Variants in POLRMT observed in about 807,000 individuals in gnomAD.
POLRMT encodes the protein DNA-directed RNA polymerase, mitochondrial.
A neutral mutation model predicts 132.2 loss-of-function variants in POLRMT; 114 were observed. The ratio of observed to expected loss-of-function variants is 0.86; its 90% CI spans 0.74 to 1.01. The LOEUF (loss-of-function observed/expected upper bound fraction) is 1.01. Among genes scored for constraint, POLRMT ranks in the 50% least tolerant of loss-of-function variants. The pLI is 0.00. For synonymous variants in POLRMT, 1,020 were observed against 773.4 expected (o/e 1.32, Z -5.29); for missense variants, 2,003 against 1,729.1 (o/e 1.16, Z -2.81).
chr19:631,547 G>A (rs985692208), intron 2 of POLRMT, among the ~76,000 whole-genome samples: 1 of 151,928 alleles, frequency 6.6e-6, no homozygotes, highest in African/African-American at 2.4e-5. Flanking sequence ...GTTGAGGCAG[G>A]AGAATTGCTT....
intron 3 of POLRMT, among the ~76,000 whole-genome samples, chr19:628,559 T>TC (rs1484400369): frequency 7.2e-5 from 11 of 152,204 alleles, no homozygotes; most frequent in Non-Finnish European, 1.6e-4. Context: ...TTTAATATAA[T>TC]AGTATCCCAT....
chr19:632,011 G>T (rs960805364), intron 2 of POLRMT, among the ~76,000 whole-genome samples: 1 of 151,724 alleles, frequency 6.6e-6, no homozygotes, highest in Admixed American at 6.5e-5. Flanking sequence ...ATGACCTCTT[G>T]ATCCGCCCGC....
chr19:623,065 C>A, intron 6 of POLRMT, 80 bp from the exon 7 acceptor site: 1 of 1,096,768 alleles, frequency 9.1e-7, no homozygotes. Flanking sequence ...CACCGCAGCT[C>A]CCTGCAGAGA....
chr19:627,924 C>CA (rs35674455), intron 3 of POLRMT, among the ~76,000 whole-genome samples: 4,294 of 101,700 alleles, frequency 0.042, 122 homozygotes, highest in African/African-American at 0.083. Flanking sequence ...GAGTCTATCT[C>CA]AAAAAAAAAA....
At chr19:631,867 C>T (rs1004028099) in intron 2 of POLRMT, among the ~76,000 whole-genome samples, 2 of 152,114 alleles carry the variant, frequency 1.3e-5, no homozygotes, top group Non-Finnish European at 2.9e-5. Flanking sequence ...TCAGTCTCCC[C>T]GGGTTCAAGC....
Position 629,639 on chromosome 19 carries a change from G to A in POLRMT, c.723C>T (p.Leu241=), listed in dbSNP as rs61743197. The change falls in exon 3 of 21, where the codon CTC becomes CTT. Residue 241 remains leucine, a synonymous_variant. Transcript: ENST00000588649. The part of the protein sequence containing the change: ...KCCLLTDQLP[L]AHHLLVVHHG... The stretch of plus-strand genomic sequence containing the variant: ...GGTGGACGACCAGCAGGTGGTGGGC[G>A]AGGGGCAGCTGGTCAGTGAGCAGGC... 6.5e-3 allele frequency: 10,438 copies of A among 1,610,272 alleles called. 51 individuals are homozygous for A. Among genetic ancestry groups the A allele is most frequent in the Middle Eastern group, 0.017 (75 of 4,490 alleles).
intron 15 of POLRMT, 37 bp downstream of exon 15, chr19:618,960 G>A (rs777743947): frequency 1.3e-6 from 2 of 1,489,362 alleles, no homozygotes; most frequent in Non-Finnish European, 1.8e-6. Context: ...ACACTGGGAT[G>A]GTGGCACACT....
chr19:621,691 C>G lies in POLRMT; in HGVS notation c.2007G>C (p.Lys669Asn). ...TGGCGCCTTCCACCGTGCGCATCAG[C>G]TTGGTGGGGCTGAGCAGGAAAGCAC... is the stretch of plus-strand genomic sequence containing the variant. ...HSGAFLLSPT[K>N]LMRTVEGATQ... is the part of the protein sequence containing the mutation. Residue 669 changes from lysine (K) to asparagine (N), a missense_variant, in exon 10 of 21, where the codon AAG becomes AAC. Lys to Asn is a moderately conservative substitution (Grantham distance 94). Coordinates refer to ENST00000588649, the MANE Select transcript of POLRMT (RefSeq NM_005035.4). 6.3e-6 allele frequency: 10 copies of G among 1,582,064 alleles called. No individual in the cohort carries two copies. The highest frequency in any genetic ancestry group is 8.6e-6 in the Non-Finnish European group (10 of 1,167,224).
At chr19:621,026 G>A (rs1005081108) in intron 10 of POLRMT, 32 bp downstream of exon 10, 1 of 1,533,146 alleles carries the variant, frequency 6.5e-7, no homozygotes, top group Non-Finnish European at 8.7e-7. Context: ...GGGGTGCCGG[G>A]AGGGCGGGGA....
chr19:619,168 G>C, intron 14 of POLRMT, 42 bp downstream of exon 14: 1 of 1,610,268 alleles, frequency 6.2e-7, no homozygotes, highest in Non-Finnish European at 8.5e-7. Context: ...CCGTCCACTT[G>C]CTTAGGGAGT....
chr19:623,844 G>A (rs1046897531), intron 5 of POLRMT, among the ~76,000 whole-genome samples: 2 of 152,226 alleles, frequency 1.3e-5, no homozygotes, highest in Non-Finnish European at 2.9e-5. Context: ...GGGGGTGGCA[G>A]GGGCGGTGAT....
chr19:618,479 G>A lies in POLRMT; in HGVS notation c.3422+9C>T, dbSNP rs1048982936. On this transcript the variant is annotated intron_variant, in intron 17 of 20. Coordinates refer to ENST00000588649, the MANE Select transcript of POLRMT (RefSeq NM_005035.4). The stretch of plus-strand genomic sequence containing the variant: ...GCGAGCGGCACCCACGCCGTCCGGA[G>A]ACGCCCACCTGTAGCAGTGCAGGGC... 3.8e-6 allele frequency: 6 copies of A among 1,588,614 alleles called. No homozygotes were observed. Among genetic ancestry groups the A allele is most frequent in the Non-Finnish European group, 5.2e-6 (6 of 1,161,630 alleles).
At chr19:618,956 GGATGGT>G (rs1568375100) in intron 15 of POLRMT, 35 bp downstream of exon 15, 1 of 1,481,178 alleles carries the variant, frequency 6.8e-7, no homozygotes, top group South Asian at 1.3e-5. Flanking sequence ...TGTTACACTG[GGATGGT>G]GGCACACTGG....
rs116531559 is a variant in POLRMT, at chr19:625,225, T to C, written c.852A>G (p.Leu284=). Residue 284 remains leucine (L), a synonymous_variant, in exon 4 of 21, where the codon TTA becomes TTG. Coordinates refer to ENST00000588649, the MANE Select transcript of POLRMT (RefSeq NM_005035.4). ...QGAFKELVYV[L]FMVKDAGLTP... Reference sequence around the variant, plus strand: ...TCAAGCCGGCATCCTTCACCATGAATAACACATATACCAGCTCCTTGAAGG... The same window carrying C: ...TCAAGCCGGCATCCTTCACCATGAACAACACATATACCAGCTCCTTGAAGG... 2,419 of 1,614,004 alleles carry C rather than the reference T, an allele frequency of 1.5e-3. 28 individuals carry two copies. In the African/African-American group the frequency reaches 0.029, roughly 19 times the overall value.
chr19:628,370 C>T (rs557130186), intron 3 of POLRMT, among the ~76,000 whole-genome samples: 96 of 152,300 alleles, frequency 6.3e-4, no homozygotes, highest in African/African-American at 2.1e-3. Flanking sequence ...CGGAGTCTGG[C>T]GCCCCCTGCA....
At chr19:628,951 C>T (rs1985214178) in intron 3 of POLRMT, among the ~76,000 whole-genome samples, 1 of 151,996 alleles carries the variant, frequency 6.6e-6, no homozygotes, top group African/African-American at 2.4e-5. Flanking sequence ...TGGCCATGAG[C>T]CGAGATCGCA....
intron 2 of POLRMT, among the ~76,000 whole-genome samples, chr19:630,799 G>A (rs1346200457): frequency 6.6e-6 from 1 of 152,212 alleles, no homozygotes; most frequent in African/African-American, 2.4e-5. Flanking sequence ...TGCCGCCTCA[G>A]GTTGCATTTT....
chr19:629,939 C>T lies in POLRMT; in HGVS notation c.423G>A (p.Lys141=), dbSNP rs1292133164. The stretch of plus-strand genomic sequence containing the variant: ...TCTGGAATGGCATCTGCAGCTTCGC[C>T]TTCAACCGCTGCATACGCATCTGCT... ...RTQQMRMQRL[K]AKLQMPFQSG... Residue 141 remains lysine (K), a synonymous_variant, in exon 3 of 21, where the codon AAG becomes AAA. Coordinates refer to ENST00000588649, the MANE Select transcript of POLRMT (RefSeq NM_005035.4). The T allele has an allele frequency of 2.5e-6, 4 of 1,613,766 alleles. No individual in the cohort carries two copies. The highest frequency in any genetic ancestry group is 1.7e-4 in the Middle Eastern group (1 of 5,896).
At chr19:626,863 C>G (rs1985053292) in intron 3 of POLRMT, among the ~76,000 whole-genome samples, 1 of 143,432 alleles carries the variant, frequency 7.0e-6, no homozygotes, top group African/African-American at 2.8e-5. Context: ...TGTCGACAGA[C>G]TTGGAGACTC....
Sources: gnomAD v4.1 joint callset for allele counts (sites outside exome capture counted in the v4.1 genomes callset) on GRCh38, gnomAD v4.1.1 for gene constraint, MANE v1.5 for transcripts, NCBI Gene and HGNC (gene_info 2026-07-23, HGNC 2026-07-21) for gene names.